L3MBTL4: variants seen among roughly 807,000 people sequenced by gnomAD.
The protein encoded by L3MBTL4 is lethal(3)malignant brain tumor-like protein 4.
In L3MBTL4, 70 loss-of-function variants were observed where a neutral mutation model predicts 84.5. The ratio of observed to expected loss-of-function variants is 0.83; its 90% CI spans 0.68 to 1.01. The LOEUF is 1.01. Among genes scored for constraint, L3MBTL4 ranks in the 50% least tolerant of loss-of-function variants. L3MBTL4 has a pLI of 0.00. For synonymous variants in L3MBTL4, 274 were observed against 259.8 expected (o/e 1.05, Z -0.52); for missense variants, 715 against 754.8 (o/e 0.95, Z 0.62).
chr18:6,166,799 G>C (rs569433525), intron 13 of L3MBTL4, among the ~76,000 whole-genome samples: 1 of 152,052 alleles, frequency 6.6e-6, no homozygotes, highest in Non-Finnish European at 1.5e-5. Flanking sequence ...ACATTCAAAA[G>C]CTAGCAGAAG....
intron 13 of L3MBTL4, among the ~76,000 whole-genome samples, chr18:6,161,418 G>A (rs758390441): frequency 6.6e-6 from 1 of 152,122 alleles, no homozygotes; most frequent in Non-Finnish European, 1.5e-5. Context: ...AACTTACACT[G>A]GGCCTTAGGG....
intron 5 of L3MBTL4, chr18:6,261,072 G>A (rs556784041): frequency 3.3e-5 from 5 of 152,282 alleles, no homozygotes; most frequent in African/African-American, 4.8e-5. Flanking sequence ...ATTCAGGGTC[G>A]AATGAGGTCT....
chr18:5,993,261 C>G lies in L3MBTL4; in HGVS notation c.1445-23699G>C, dbSNP rs542058283. 2.0e-5 allele frequency among the ~76,000 whole-genome samples: 3 copies of G among 152,330 alleles called. No individual in the cohort carries two copies. The South Asian group carries it at 6.2e-4, about 32-fold the overall frequency. On this transcript the variant is annotated intron_variant, in intron 16 of 18. Transcript: ENST00000317931. ...TAGAGACATCCATGTCTCCAAGTAA[C>G]TCTTTCCAAAGAAATAACCCTTTCT...
At chr18:6,070,721 C>T (rs557247727) in intron 16 of L3MBTL4, among the ~76,000 whole-genome samples, 1 of 151,990 alleles carries the variant, frequency 6.6e-6, no homozygotes, top group Non-Finnish European at 1.5e-5. Context: ...ACCTGTAGGC[C>T]CAGCTACTCC....
chr18:6,195,494 T>C (rs1429188000), intron 12 of L3MBTL4, among the ~76,000 whole-genome samples: 2 of 152,204 alleles, frequency 1.3e-5, no homozygotes, highest in Non-Finnish European at 2.9e-5. Flanking sequence ...GGATATTTTC[T>C]GACATGAATT....
At chr18:6,035,980 A>G (rs915539888) in intron 16 of L3MBTL4, among the ~76,000 whole-genome samples, 1 of 152,218 alleles carries the variant, frequency 6.6e-6, no homozygotes, top group African/African-American at 2.4e-5. Flanking sequence ...TGGATGAAAA[A>G]TTCTTGGTTG....
intron 10 of L3MBTL4, among the ~76,000 whole-genome samples, chr18:6,231,832 T>G (rs991504830): frequency 2.0e-5 from 3 of 152,132 alleles, no homozygotes; most frequent in Admixed American, 2.0e-4. Context: ...CATAATAATT[T>G]TGGCTTCTAA....
intron 8 of L3MBTL4, 22 bp downstream of exon 8, chr18:6,241,336 T>A: frequency 5.9e-6 from 8 of 1,365,000 alleles, no homozygotes; most frequent in Non-Finnish European, 8.3e-6. Context: ...ATTTGATTTA[T>A]GCTGGGAAAG....
intron 16 of L3MBTL4, among the ~76,000 whole-genome samples, chr18:6,004,678 A>AAAGG (rs61550000): frequency 0.066 from 10,112 of 152,224 alleles, 931 homozygotes; most frequent in African/African-American, 0.21. Flanking sequence ...TTACCTTTAA[A>AAAGG]AAGGAATGAA....
rs1386901794 is a variant in L3MBTL4, at chr18:6,215,842, A to G, written c.785-7T>C. On this transcript the variant is annotated splice_region_variant and splice_polypyrimidine_tract_variant and intron_variant, in intron 10 of 18. Transcript: ENST00000317931. Reference sequence around the variant, plus strand: ...TTTTCTGGATTGGGATAACCTGAAAATATATATATATAAATAGCAAAAGAT... The same window carrying G: ...TTTTCTGGATTGGGATAACCTGAAAGTATATATATATAAATAGCAAAAGAT... 7.3e-7 allele frequency: 1 copy of G among 1,368,786 alleles called. No individual in the cohort carries two copies. The allele number at this position is 1,368,786 out of a possible 1,614,324, so 84.8% of individuals were successfully genotyped here. A position where few individuals can be genotyped will look rare whatever the true frequency, so the allele number is the denominator to read the frequency against.
intron 12 of L3MBTL4, among the ~76,000 whole-genome samples, chr18:6,174,864 C>CA (rs34787848): frequency 0.038 from 2,195 of 58,078 alleles, 23 homozygotes; most frequent in Middle Eastern, 0.073. Context: ...GAAACTCTGT[C>CA]AAAAAAAAAA....
intron 1 of L3MBTL4, among the ~76,000 whole-genome samples, chr18:6,379,745 C>A (rs1417508773): frequency 6.6e-6 from 1 of 152,156 alleles, no homozygotes; most frequent in Admixed American, 6.5e-5. Flanking sequence ...ATTTTTGCAT[C>A]AATGTTCATC....
At chr18:6,323,851 G>T (rs1368945213) in intron 1 of L3MBTL4, among the ~76,000 whole-genome samples, 1 of 152,210 alleles carries the variant, frequency 6.6e-6, no homozygotes, top group Non-Finnish European at 1.5e-5. Context: ...GAAAAGAGGA[G>T]CCAGATCCTA....
In L3MBTL4 at chr18:6,192,004, CT is replaced by C. The variant is rs373182238; in HGVS notation, c.982-20063del. Among the ~76,000 whole-genome samples, 336 of 144,874 alleles carry C rather than the reference CT, an allele frequency of 2.3e-3. 4 individuals carry two copies. Among genetic ancestry groups the C allele is most frequent in the African/African-American group, 8.6e-3 (317 of 36,884 alleles). ...GTATCCCTGTCCCCTCCTCCCCCCC[CT>C]CAAAAAAAAAAAGAAAGAAAGAAAG... On this transcript the variant is annotated intron_variant, in intron 12 of 18. Coordinates refer to ENST00000317931, the MANE Select transcript of L3MBTL4 (RefSeq NM_001330559.2).
chr18:6,030,875 T>C (rs2055764179), intron 16 of L3MBTL4: 2 of 985,098 alleles, frequency 2.0e-6, no homozygotes, highest in African/African-American at 3.5e-5. Context: ...CTGTAGGATA[T>C]AAACAACCAG....
At chr18:6,110,248 T>A (rs994573584) in intron 14 of L3MBTL4, among the ~76,000 whole-genome samples, 2 of 152,196 alleles carry the variant, frequency 1.3e-5, no homozygotes, top group African/African-American at 2.4e-5. Flanking sequence ...CTTACCATTA[T>A]TTTGGAAATG....
At chr18:5,961,956 C>T (rs2095265620) in intron 17 of L3MBTL4, among the ~76,000 whole-genome samples, 1 of 152,162 alleles carries the variant, frequency 6.6e-6, no homozygotes, top group Non-Finnish European at 1.5e-5. Flanking sequence ...CTGAGGGTGG[C>T]CTGGCTCCGT....
At chr18:6,223,611 G>A (rs1293554222) in intron 10 of L3MBTL4, among the ~76,000 whole-genome samples, 1 of 152,124 alleles carries the variant, frequency 6.6e-6, no homozygotes, top group Non-Finnish European at 1.5e-5. Context: ...CACAAAATAC[G>A]TACAGTATAA....
intron 1 of L3MBTL4, among the ~76,000 whole-genome samples, chr18:6,329,685 G>T (rs1371651897): frequency 6.6e-6 from 1 of 152,186 alleles, no homozygotes; most frequent in African/African-American, 2.4e-5. Context: ...ATGACATGGT[G>T]AGGGGGCTGA....
Sources: gnomAD v4.1 joint callset for allele counts (sites outside exome capture counted in the v4.1 genomes callset) on GRCh38, gnomAD v4.1.1 for gene constraint, MANE v1.5 for transcripts, NCBI Gene and HGNC (gene_info 2026-07-23, HGNC 2026-07-21) for gene names.